CLDN10: variants seen among roughly 807,000 people sequenced by gnomAD.
CLDN10 encodes the protein claudin 10.
Under a neutral mutation model 22.9 loss-of-function variants are expected in CLDN10, and 15 were observed. That is an observed-to-expected ratio of 0.65 (90% confidence interval 0.44 to 1.01). The LOEUF is 1.01. CLDN10 is among the 50% of genes least tolerant of loss of function. CLDN10 has a pLI of 0.00. For synonymous variants in CLDN10, 114 were observed against 111.4 expected, an observed-to-expected ratio of 1.02 and a Z score of -0.15; for missense variants, 247 against 287.8, an observed-to-expected ratio of 0.86 and a Z score of 1.03.
At chr13:95,453,890 G>A (rs906352420) in intron 1 of CLDN10, among the ~76,000 whole-genome samples, 3 of 152,034 alleles carry the variant, frequency 2.0e-5, no homozygotes, top group South Asian at 2.1e-4. Context: ...CAAGGCGGGC[G>A]GATCACCTGA....
chr13:95,471,418 T>C (rs186629759), intron 1 of CLDN10, among the ~76,000 whole-genome samples: 4,146 of 106,424 alleles, frequency 0.039, 302 homozygotes, highest in African/African-American at 0.14. Flanking sequence ...CACACACATA[T>C]ACACACACAC....
chr13:95,462,183 A>G (rs532361345), intron 1 of CLDN10, among the ~76,000 whole-genome samples: 1 of 152,338 alleles, frequency 6.6e-6, no homozygotes, highest in East Asian at 1.9e-4. Flanking sequence ...TCCAGCTGTA[A>G]TACCTCACTG....
intron 1 of CLDN10, among the ~76,000 whole-genome samples, chr13:95,441,230 A>G (rs1305462273): frequency 6.6e-6 from 1 of 152,222 alleles, no homozygotes; most frequent in Non-Finnish European, 1.5e-5. Flanking sequence ...TAGAACAAGT[A>G]AAAGAGCCAT....
At chr13:95,499,610 G>A (rs980818468) in intron 1 of CLDN10, among the ~76,000 whole-genome samples, 7 of 152,194 alleles carry the variant, frequency 4.6e-5, no homozygotes, top group African/African-American at 1.7e-4. Context: ...CAGATAGACA[G>A]GCACCGGGGC....
At chr13:95,552,644 CGG>C (rs2043579266), upstream of CLDN10, 4 of 1,272,748 alleles carry the variant, frequency 3.1e-6, no homozygotes, top group Non-Finnish European at 4.1e-6. Context: ...GGGTGGTGGG[CGG>C]GGACGGTGGG....
chr13:95,538,888 C>CT (rs1319301345), intron 1 of CLDN10, among the ~76,000 whole-genome samples: 36 of 151,688 alleles, frequency 2.4e-4, no homozygotes, highest in African/African-American at 4.4e-4. Context: ...TAACATTTCT[C>CT]TCTTTTTTTG....
At chr13:95,447,739 A>ATG (rs2042393997) in intron 1 of CLDN10, among the ~76,000 whole-genome samples, 1 of 126,432 alleles carries the variant, frequency 7.9e-6, no homozygotes, top group Admixed American at 8.9e-5. Context: ...GGGAGTGCAC[A>ATG]TGCGTGTGTG....
At chr13:95,537,047 G>A (rs559231506) in intron 1 of CLDN10, among the ~76,000 whole-genome samples, 6 of 152,288 alleles carry the variant, frequency 3.9e-5, no homozygotes, top group African/African-American at 1.4e-4. Flanking sequence ...CAGAGCTAAG[G>A]CTTGCTGAAG....
chr13:95,519,687 A>G (rs2043205498), intron 1 of CLDN10, among the ~76,000 whole-genome samples: 1 of 150,726 alleles, frequency 6.6e-6, no homozygotes, highest in Admixed American at 6.6e-5. Context: ...TTAACAGTGC[A>G]CCAAGCTGCC....
At chr13:95,457,920 C>G (rs1203304181) in intron 1 of CLDN10, among the ~76,000 whole-genome samples, 1 of 152,192 alleles carries the variant, frequency 6.6e-6, no homozygotes, top group African/African-American at 2.4e-5. Flanking sequence ...CACAGATCCT[C>G]ATGGTCAACA....
At chr13:95,434,924 A>T (rs969093878) in intron 1 of CLDN10, among the ~76,000 whole-genome samples, 1 of 152,204 alleles carries the variant, frequency 6.6e-6, no homozygotes, top group Non-Finnish European at 1.5e-5. Flanking sequence ...ACAAAAAACC[A>T]TATTGAATGA....
chr13:95,512,121 C>CTTTTTCTTTTTTT (rs2043108868), intron 1 of CLDN10, among the ~76,000 whole-genome samples: 1 of 10,492 alleles, frequency 9.5e-5, no homozygotes, highest in Non-Finnish European at 2.4e-4. Flanking sequence ...ATCGTCTCTC[C>CTTTTTCTTTTTTT]TTTTTTTTTG....
chr13:95,442,366 A>G (rs1343637759), intron 1 of CLDN10, among the ~76,000 whole-genome samples: 6 of 152,214 alleles, frequency 3.9e-5, no homozygotes, highest in Admixed American at 6.5e-5. Context: ...AAAGCCTGAT[A>G]GAAGCATGCC....
chr13:95,498,930 A>G (rs981217350), intron 1 of CLDN10, among the ~76,000 whole-genome samples: 3 of 152,194 alleles, frequency 2.0e-5, no homozygotes, highest in Admixed American at 2.0e-4. Context: ...TTCTGTCTCT[A>G]TGAATTTGAT....
intron 1 of CLDN10, among the ~76,000 whole-genome samples, chr13:95,443,664 T>C (rs1411416087): frequency 6.6e-6 from 1 of 151,868 alleles, no homozygotes; most frequent in South Asian, 2.1e-4. Context: ...GGCTTTGGAG[T>C]GTAGGAGCCC....
intron 1 of CLDN10, among the ~76,000 whole-genome samples, chr13:95,468,315 G>A (rs535909281): frequency 9.9e-5 from 15 of 152,194 alleles, no homozygotes; most frequent in South Asian, 6.2e-4. Context: ...TGCTTTTACC[G>A]TCTTTGACAG....
intron 1 of CLDN10, among the ~76,000 whole-genome samples, chr13:95,484,075 C>T (rs908929139): frequency 6.6e-6 from 1 of 152,166 alleles, no homozygotes; most frequent in Non-Finnish European, 1.5e-5. Flanking sequence ...TTGACTTTGG[C>T]CTTCCCAGCC....
At chr13:95,451,195 A>G (rs772841374) in intron 1 of CLDN10, among the ~76,000 whole-genome samples, 3 of 152,246 alleles carry the variant, frequency 2.0e-5, no homozygotes, top group Non-Finnish European at 4.4e-5. Flanking sequence ...AGAATGCATC[A>G]AAACAGTCCT....
chr13:95,494,813 A>G (rs1338754165), intron 1 of CLDN10, among the ~76,000 whole-genome samples: 1 of 152,120 alleles, frequency 6.6e-6, no homozygotes, highest in Non-Finnish European at 1.5e-5. Context: ...CCATCATCTG[A>G]CAGATGAACA....
Sources: gnomAD v4.1 joint callset for allele counts (sites outside exome capture counted in the v4.1 genomes callset) on GRCh38, gnomAD v4.1.1 for gene constraint, MANE v1.5 for transcripts, NCBI Gene and HGNC (gene_info 2026-07-23, HGNC 2026-07-21) for gene names.